DLC1: variants seen among roughly 807,000 people sequenced by gnomAD.
DLC1 encodes the protein rho GTPase-activating protein 7.
DLC1 carries 54 observed loss-of-function variants against 140.3 expected under a neutral mutation model. The observed-to-expected ratio is 0.38, with a 90% CI of 0.31 to 0.48. DLC1 has a LOEUF of 0.48. Among genes scored for constraint, DLC1 ranks in the 20% least tolerant of loss-of-function variants. DLC1 has a pLI of 0.96. For synonymous variants in DLC1, 986 were observed against 728.1 expected, an observed-to-expected ratio of 1.35 and a Z score of -5.70; for missense variants, 2,536 against 1,907.0, an observed-to-expected ratio of 1.33 and a Z score of -6.14.
chr8:13,431,660 A>G (rs1258843089), intron 2 of DLC1, among the ~76,000 whole-genome samples: 4 of 151,170 alleles, frequency 2.6e-5, no homozygotes, highest in Non-Finnish European at 5.9e-5. Context: ...TTTAGAAAGA[A>G]TGTTCTGAGA....
At chr8:13,234,002 TC>T (rs1393918122) in intron 5 of DLC1, among the ~76,000 whole-genome samples, 1 of 152,222 alleles carries the variant, frequency 6.6e-6, no homozygotes, top group Non-Finnish European at 1.5e-5. Flanking sequence ...TTATCTTTTT[TC>T]TTTCTTCTTT....
At chr8:13,230,112 G>C (rs1828977867) in intron 5 of DLC1, among the ~76,000 whole-genome samples, 1 of 152,214 alleles carries the variant, frequency 6.6e-6, no homozygotes, top group Admixed American at 6.5e-5. Flanking sequence ...GAGGTTCACT[G>C]ATTTCATGCA....
At chr8:13,546,393 A>G (rs1183355170) in intron 1 of DLC1, among the ~76,000 whole-genome samples, 2 of 152,158 alleles carry the variant, frequency 1.3e-5, no homozygotes, top group South Asian at 2.1e-4. Context: ...AATATTTTAG[A>G]ACCCTTTAAA....
At chr8:13,312,386 A>AAATAAT (rs1554494787) in intron 4 of DLC1, among the ~76,000 whole-genome samples, 23 of 81,698 alleles carry the variant, frequency 2.8e-4, no homozygotes, top group Non-Finnish European at 4.5e-4. Flanking sequence ...AAAAAAAAAA[A>AAATAAT]AATAATTTCT....
At chr8:13,314,527 T>C (rs1175311271) in intron 4 of DLC1, among the ~76,000 whole-genome samples, 1 of 152,054 alleles carries the variant, frequency 6.6e-6, no homozygotes, top group Non-Finnish European at 1.5e-5. Context: ...CTCATATCCA[T>C]CTTGGTCAGG....
At chr8:13,429,929 C>A (rs1412672917) in intron 2 of DLC1, among the ~76,000 whole-genome samples, 1 of 152,150 alleles carries the variant, frequency 6.6e-6, no homozygotes, top group African/African-American at 2.4e-5. Context: ...TTATTCATAT[C>A]ATATTTAAAT....
At chr8:13,164,358 C>G (rs1284760436) in intron 5 of DLC1, among the ~76,000 whole-genome samples, 2 of 151,686 alleles carry the variant, frequency 1.3e-5, no homozygotes, top group Non-Finnish European at 2.9e-5. Flanking sequence ...GTCTCTCTCT[C>G]TGTCTGTCTA....
intron 5 of DLC1, chr8:13,214,526 C>G (rs917455780): frequency 8.8e-6 from 6 of 683,530 alleles, no homozygotes; most frequent in Non-Finnish European, 1.6e-5. Context: ...TCACATCTTA[C>G]TGAAGAGCTG....
At chr8:13,144,970 G>C (rs1473527027) in intron 5 of DLC1, among the ~76,000 whole-genome samples, 1 of 152,042 alleles carries the variant, frequency 6.6e-6, no homozygotes, top group Non-Finnish European at 1.5e-5. Context: ...TTGTTATGCA[G>C]CAACAGATAA....
chr8:13,401,653 A>G, intron 2 of DLC1, 34 bp from the exon 3 acceptor site: 1 of 1,596,636 alleles, frequency 6.3e-7, no homozygotes, highest in East Asian at 2.2e-5. Flanking sequence ...CTGAATCTGA[A>G]AGGCCATTTC....
At chr8:13,135,254 G>A (rs13280448) in intron 5 of DLC1, among the ~76,000 whole-genome samples, 8 of 149,208 alleles carry the variant, frequency 5.4e-5, no homozygotes, top group Admixed American at 3.3e-4. Flanking sequence ...GCCCAGGCTG[G>A]AGTGCAGTGA....
intron 5 of DLC1, among the ~76,000 whole-genome samples, chr8:13,144,034 GC>G (rs1279363391): frequency 6.6e-6 from 1 of 152,148 alleles, no homozygotes; most frequent in African/African-American, 2.4e-5. Flanking sequence ...GGTAAAAAGG[GC>G]TGAACAGATA....
chr8:13,462,369 C>T (rs1213317515), intron 2 of DLC1, among the ~76,000 whole-genome samples: 2 of 150,622 alleles, frequency 1.3e-5, no homozygotes, highest in African/African-American at 4.9e-5. Flanking sequence ...GTATCCTGAA[C>T]AAGAGGAATA....
intron 5 of DLC1, among the ~76,000 whole-genome samples, chr8:13,221,587 T>TCA (rs1828550607): frequency 1.3e-5 from 2 of 150,782 alleles, no homozygotes; most frequent in South Asian, 4.2e-4. Context: ...ACCAGGCTGA[T>TCA]CTTGAACCCC....
At chr8:13,456,784 T>G (rs1174715274) in intron 2 of DLC1, among the ~76,000 whole-genome samples, 2 of 152,156 alleles carry the variant, frequency 1.3e-5, no homozygotes, top group Non-Finnish European at 2.9e-5. Flanking sequence ...TTGCAGGGCC[T>G]TTGGTTTGAA....
chr8:13,148,919 A>T (rs571563157), intron 5 of DLC1, among the ~76,000 whole-genome samples: 3 of 152,040 alleles, frequency 2.0e-5, no homozygotes, highest in Non-Finnish European at 2.9e-5. Flanking sequence ...CAGCCTGCCG[A>T]GTAGCTGGGA....
rs201984211 is a variant in DLC1, at chr8:13,099,771, T to C, written c.2566A>G (p.Ser856Gly). 5.6e-6 allele frequency: 9 copies of C among 1,614,164 alleles called. No individual in the cohort carries two copies. The highest frequency in any genetic ancestry group is 5.3e-5 in the African/African-American group (4 of 75,044). The change falls in exon 9 of 18, where the codon AGT becomes GGT. Residue 856 changes from serine (S) to glycine (G), a missense_variant. Ser to Gly is a moderately conservative substitution (Grantham distance 56). Coordinates refer to ENST00000276297, the MANE Select transcript of DLC1 (RefSeq NM_182643.3). ...PGHISLRREN[S>G]SDSPKELKRR... ...TTCAGTTCCTTGGGGCTGTCGCTACTGTTTTCCCTCCTGAGGCTGATGTGG... is the reference window on the plus strand; with the variant it reads ...TTCAGTTCCTTGGGGCTGTCGCTACCGTTTTCCCTCCTGAGGCTGATGTGG...
chr8:13,467,959 A>C (rs1800016156), intron 2 of DLC1, among the ~76,000 whole-genome samples: 1 of 152,240 alleles, frequency 6.6e-6, no homozygotes, highest in Middle Eastern at 3.4e-3. Context: ...AATCTGTTTA[A>C]TATTTTGTTT....
At chr8:13,117,903 T>C (rs977735846) in intron 5 of DLC1, among the ~76,000 whole-genome samples, 2 of 152,198 alleles carry the variant, frequency 1.3e-5, no homozygotes, top group Admixed American at 6.5e-5. Context: ...TTTTAAGCAA[T>C]CTTTATATTT....
Sources: allele counts gnomAD v4.1 joint callset (sites outside exome capture counted in the v4.1 genomes callset), GRCh38; gene constraint gnomAD v4.1.1; transcripts MANE v1.5; gene names NCBI Gene and HGNC (gene_info 2026-07-23, HGNC 2026-07-21).